Variants in CDC20B observed in about 807,000 individuals in gnomAD.
CDC20B encodes the protein cell division cycle 20B.
In CDC20B, 58 loss-of-function variants were observed where a neutral mutation model predicts 64.1. The ratio of observed to expected loss-of-function variants is 0.90; its 90% CI spans 0.73 to 1.13. The LOEUF is 1.13. Ranked by LOEUF, CDC20B falls within the 50% of genes most tolerant of loss-of-function variation. The probability of loss-of-function intolerance (pLI) is 0.00; values close to 1 mark genes in which losing one functional copy is unlikely to be tolerated. For missense variants in CDC20B, 597 were observed against 633.0 expected, an observed-to-expected ratio of 0.94 and a Z score of 0.61; for synonymous variants, 243 against 230.6, an observed-to-expected ratio of 1.05 and a Z score of -0.49.
At chr5:55,122,165 G>GAT (rs1185602519) in intron 9 of CDC20B, among the ~76,000 whole-genome samples, 5 of 152,012 alleles carry the variant, frequency 3.3e-5, no homozygotes, top group Admixed American at 3.3e-4. Context: ...TTATAACTGT[G>GAT]ATTTCATCAA....
chr5:55,155,834 C>T (rs772439162), intron 2 of CDC20B, among the ~76,000 whole-genome samples: 2 of 152,186 alleles, frequency 1.3e-5, no homozygotes, highest in East Asian at 1.9e-4. Context: ...GCAGACCTCC[C>T]GTGGCCCCTT....
Position 55,119,910 on chromosome 5 carries a change from G to C in CDC20B, c.1350C>G (p.Ser450=). The part of the protein sequence containing the change: ...QTPSTNSQIC[S]LIWLPKTKEI... ...CCTTTGTCTTAGGTAGCCAGATTAA[G>C]GAACAAATCTGTAATAATGATCAAA... Residue 450 remains serine, a synonymous_variant, in exon 11 of 12, where the codon TCC becomes TCG. Coordinates refer to ENST00000381375, the MANE Select transcript of CDC20B (RefSeq NM_001170402.1). 1.2e-6 allele frequency: 2 copies of C among 1,603,254 alleles called. No individual in the cohort carries two copies. The highest frequency in any genetic ancestry group is 1.7e-6 in the Non-Finnish European group (2 of 1,170,192).
chr5:55,148,344 T>G (rs1424056259), intron 2 of CDC20B, among the ~76,000 whole-genome samples: 2 of 152,188 alleles, frequency 1.3e-5, no homozygotes, highest in African/African-American at 4.8e-5. Flanking sequence ...GAAAGGACTT[T>G]TGGACAATGT....
chr5:55,125,569 T>C (rs557800786), intron 8 of CDC20B, among the ~76,000 whole-genome samples: 15 of 152,326 alleles, frequency 9.8e-5, no homozygotes, highest in Admixed American at 3.9e-4. Flanking sequence ...CAATTGAATG[T>C]CACAGCAAAC....
At chr5:55,170,253 A>T (rs905389681) in intron 2 of CDC20B, among the ~76,000 whole-genome samples, 1 of 152,250 alleles carries the variant, frequency 6.6e-6, no homozygotes, top group African/African-American at 2.4e-5. Flanking sequence ...TTTCATAAAT[A>T]CTTAAACACT....
chr5:55,164,733 A>AAT (rs1359718675), intron 2 of CDC20B: 1 of 152,218 alleles, frequency 6.6e-6, no homozygotes, highest in African/African-American at 2.4e-5. Flanking sequence ...AAAAATGTAA[A>AAT]ATATATATAC....
At chr5:55,138,732 T>TAAA (rs370900103) in intron 5 of CDC20B, among the ~76,000 whole-genome samples, 1 of 135,982 alleles carries the variant, frequency 7.4e-6, no homozygotes, top group African/African-American at 2.7e-5. Context: ...CAGGATGCTG[T>TAAA]AAAAAAAAAA....
At chr5:55,133,272 A>G in intron 6 of CDC20B, 140 bp downstream of exon 6, 1 of 437,460 alleles carries the variant, frequency 2.3e-6, no homozygotes, top group Non-Finnish European at 4.1e-6. Flanking sequence ...AGCCAAGTAT[A>G]TTAGCCATAT....
At chr5:55,157,258 A>G (rs957917138) in intron 2 of CDC20B, among the ~76,000 whole-genome samples, 7 of 152,204 alleles carry the variant, frequency 4.6e-5, no homozygotes, top group Non-Finnish European at 8.8e-5. Context: ...GTTAGTATAG[A>G]CAGAACATGA....
chr5:55,160,209 C>G, intron 2 of CDC20B: 1 of 1,613,954 alleles, frequency 6.2e-7, no homozygotes. Context: ...CCTCTTGCAG[C>G]TTACCCGCTA....
At position 55,124,848 on chromosome 5, in the gene CDC20B, T is replaced by C; in HGVS notation, c.1170A>G (p.Ala390=). Residue 390 remains alanine, a synonymous_variant, in exon 9 of 12, where the codon GCA becomes GCG. Transcript: ENST00000381375. ...TTATGACTTTCAGCGGTTGGCCCTG[T>C]GCACTGGCACCTGGATCGTGGGGCC... ...TIWPHDPGAS[A]QGQPLKVITQ... 1 of 1,614,210 alleles carries C rather than the reference T, an allele frequency of 6.2e-7. No individual in the cohort carries two copies. The highest frequency in any genetic ancestry group is 1.7e-4 in the Middle Eastern group (1 of 6,060).
intron 2 of CDC20B, among the ~76,000 whole-genome samples, chr5:55,163,185 GA>G (rs905897581): frequency 2.6e-5 from 4 of 151,732 alleles, no homozygotes; most frequent in South Asian, 4.2e-4. Context: ...GGTATAAATA[GA>G]AAAAAAATCT....
chr5:55,114,311 C>T lies in CDC20B; in HGVS notation c.1467G>A (p.Arg489=), dbSNP rs754663488. ...TCAAAGACAGGTGCAGCACTCTGCC[C>T]CTGTGGCCTGGGGGAAGAAGGAAAG... ...VSRSGGFFGH[R]GRVLHLSLSP... The change falls in exon 12 of 12, where the codon AGG becomes AGA. Residue 489 remains arginine, a synonymous_variant. Transcript: ENST00000381375. The surrounding 1 kb of genome is among the most constrained non-coding windows in gnomAD (Gnocchi z 4.1). The T allele has an allele frequency of 6.2e-7, 1 of 1,613,594 alleles. No individual in the cohort carries two copies. Among genetic ancestry groups the T allele is most frequent in the Non-Finnish European group, 8.5e-7 (1 of 1,179,672 alleles).
chr5:55,118,597 G>C (rs1432431453), intron 11 of CDC20B, among the ~76,000 whole-genome samples: 1 of 152,076 alleles, frequency 6.6e-6, no homozygotes, highest in African/African-American at 2.4e-5. Context: ...AGGTTTTAAG[G>C]CTTGATTTAC....
intron 5 of CDC20B, among the ~76,000 whole-genome samples, chr5:55,139,322 C>T (rs1420383192): frequency 6.6e-6 from 1 of 152,052 alleles, no homozygotes; most frequent in African/African-American, 2.4e-5. Flanking sequence ...AGAAAGAGCA[C>T]AACATAGCTG....
chr5:55,119,909 A>G lies in CDC20B; in HGVS notation c.1351T>C (p.Leu451=), dbSNP rs762668784. ...TCCTTTGTCTTAGGTAGCCAGATTAAGGAACAAATCTGTAATAATGATCAA... is the reference window on the plus strand; with the variant it reads ...TCCTTTGTCTTAGGTAGCCAGATTAGGGAACAAATCTGTAATAATGATCAA... The part of the protein sequence containing the change: ...TPSTNSQICS[L]IWLPKTKEIA... Residue 451 remains leucine, a synonymous_variant, in exon 11 of 12, where the codon TTA becomes CTA. Transcript: ENST00000381375. 1 of 1,605,328 alleles carries G rather than the reference A, an allele frequency of 6.2e-7. No individual in the cohort carries two copies. The highest frequency in any genetic ancestry group is 8.5e-7 in the Non-Finnish European group (1 of 1,171,950).
At chr5:55,146,112 T>C (rs1306467079) in intron 3 of CDC20B, among the ~76,000 whole-genome samples, 1 of 152,180 alleles carries the variant, frequency 6.6e-6, no homozygotes, top group Non-Finnish European at 1.5e-5. Flanking sequence ...TGCCTGAGGA[T>C]GTAGGATGAG....
chr5:55,160,470 T>C (rs962288096), intron 2 of CDC20B: 46 of 1,234,536 alleles, frequency 3.7e-5, no homozygotes, highest in Non-Finnish European at 5.0e-5. Context: ...TAAAATCAAT[T>C]TTTTGCTGTT....
chr5:55,148,456 GA>G (rs1241460330), intron 2 of CDC20B, among the ~76,000 whole-genome samples: 1 of 152,222 alleles, frequency 6.6e-6, no homozygotes, highest in Non-Finnish European at 1.5e-5. Flanking sequence ...GCTCATGCTT[GA>G]AATCGTAGCT....
Sources: allele counts gnomAD v4.1 joint callset (sites outside exome capture counted in the v4.1 genomes callset), GRCh38; gene constraint gnomAD v4.1.1; non-coding constraint Gnocchi (gnomAD v3.1); transcripts MANE v1.5; gene names NCBI Gene and HGNC (gene_info 2026-07-23, HGNC 2026-07-21).